SNX24: variants seen among roughly 807,000 people sequenced by gnomAD.
The protein encoded by SNX24 is sorting nexin-24.
Under a neutral mutation model 28.7 loss-of-function variants are expected in SNX24, and 22 were observed. The observed-to-expected ratio is 0.77, with a 90% CI of 0.55 to 1.10. The LOEUF (loss-of-function observed/expected upper bound fraction) is 1.10, where lower values mean the gene tolerates loss of function less well. SNX24 is among the 50% of genes least tolerant of loss of function. The pLI is 0.00. For synonymous variants in SNX24, 69 were observed against 71.5 expected, an observed-to-expected ratio of 0.96 and a Z score of 0.18; for missense variants, 221 against 201.1, an observed-to-expected ratio of 1.10 and a Z score of -0.60.
At chr5:123,029,104 C>A (rs1167840261) in intron 5 of SNX24, 2 of 984,792 alleles carry the variant, frequency 2.0e-6, no homozygotes, top group East Asian at 2.6e-5. Flanking sequence ...CATATTTTCA[C>A]TTGATGATGA....
chr5:122,860,809 G>A (rs1166235813), intron 1 of SNX24, among the ~76,000 whole-genome samples: 2 of 151,966 alleles, frequency 1.3e-5, no homozygotes, highest in Admixed American at 6.6e-5. Context: ...TGTTAGCCAG[G>A]ATGGTCTCGA....
At chr5:123,022,637 TC>T (rs1762778300) in intron 5 of SNX24, 1 of 152,306 alleles carries the variant, frequency 6.6e-6, no homozygotes, top group Non-Finnish European at 1.5e-5. Flanking sequence ...GGTACCATGC[TC>T]CCCAGTGGCC....
chr5:122,998,625 G>T (rs1205707585), intron 3 of SNX24, among the ~76,000 whole-genome samples: 3 of 152,156 alleles, frequency 2.0e-5, no homozygotes, highest in Non-Finnish European at 4.4e-5. Flanking sequence ...CACCAGGAGG[G>T]TTCTGCTCTA....
chr5:123,021,191 T>C (rs1762757792), intron 5 of SNX24, among the ~76,000 whole-genome samples: 1 of 151,050 alleles, frequency 6.6e-6, no homozygotes, highest in South Asian at 2.1e-4. Context: ...TTTCTCTGAC[T>C]TCACTGACTT....
intron 3 of SNX24, among the ~76,000 whole-genome samples, chr5:122,971,822 A>C (rs1280313993): frequency 6.6e-6 from 1 of 152,162 alleles, no homozygotes; most frequent in African/African-American, 2.4e-5. Flanking sequence ...ACCTTCTTCT[A>C]CTGTCTATTC....
At chr5:122,932,647 A>C (rs1759003734) in intron 1 of SNX24, among the ~76,000 whole-genome samples, 1 of 152,136 alleles carries the variant, frequency 6.6e-6, no homozygotes, top group Admixed American at 6.5e-5. Flanking sequence ...ATGCAGGCGG[A>C]TCACAAGGTC....
At chr5:122,950,520 A>G (rs1345261688) in intron 3 of SNX24, among the ~76,000 whole-genome samples, 1 of 152,224 alleles carries the variant, frequency 6.6e-6, no homozygotes. Flanking sequence ...AAGGGCTGCA[A>G]CAGTTCCAGA....
chr5:122,918,874 AT>A (rs796976403), intron 1 of SNX24, among the ~76,000 whole-genome samples: 66 of 152,318 alleles, frequency 4.3e-4, no homozygotes, highest in African/African-American at 1.5e-3. Flanking sequence ...CTAAAACGTG[AT>A]TTAAGAGGGG....
intron 1 of SNX24, among the ~76,000 whole-genome samples, chr5:122,860,248 A>T (rs376439661): frequency 6.6e-6 from 1 of 152,286 alleles, no homozygotes; most frequent in South Asian, 2.1e-4. Context: ...AAAGTAAATC[A>T]TGATATACAG....
At chr5:122,871,493 C>T (rs142432561) in intron 1 of SNX24, among the ~76,000 whole-genome samples, 175 of 152,206 alleles carry the variant, frequency 1.1e-3, no homozygotes, top group African/African-American at 4.1e-3. Context: ...TCTGGCTGGG[C>T]GCGGTGGCTC....
At chr5:122,996,629 T>C (rs1176899335) in intron 3 of SNX24, among the ~76,000 whole-genome samples, 1 of 152,184 alleles carries the variant, frequency 6.6e-6, no homozygotes, top group Non-Finnish European at 1.5e-5. Flanking sequence ...CCATCGCTGA[T>C]TGTGTATCAG....
At chr5:122,854,515 C>CA (rs55693230) in intron 1 of SNX24, among the ~76,000 whole-genome samples, 16,315 of 121,242 alleles carry the variant, frequency 0.13, 1,189 homozygotes, top group East Asian at 0.36. Flanking sequence ...CTCAAAAAAA[C>CA]AAAAAAAAAA....
intron 3 of SNX24, among the ~76,000 whole-genome samples, chr5:122,975,659 A>C (rs953744738): frequency 3.3e-5 from 5 of 152,198 alleles, no homozygotes; most frequent in African/African-American, 1.2e-4. Context: ...GCTTTTACAA[A>C]TCATTAGGAG....
intron 1 of SNX24, among the ~76,000 whole-genome samples, chr5:122,930,004 T>A (rs1288196890): frequency 6.6e-6 from 1 of 152,134 alleles, no homozygotes; most frequent in Non-Finnish European, 1.5e-5. Context: ...AGACATGGAA[T>A]TCTGCATTAA....
intron 2 of SNX24, among the ~76,000 whole-genome samples, chr5:122,940,284 G>A (rs868516053): frequency 6.6e-6 from 1 of 151,942 alleles, no homozygotes. Context: ...ATGAGCCACC[G>A]CGCCCAGACT....
At chr5:122,907,379 G>A (rs1457466233) in intron 1 of SNX24, among the ~76,000 whole-genome samples, 1 of 152,162 alleles carries the variant, frequency 6.6e-6, no homozygotes, top group Non-Finnish European at 1.5e-5. Flanking sequence ...TTTGTAATAT[G>A]GGGGAACACT....
chr5:122,918,648 T>C (rs1158536647), intron 1 of SNX24, among the ~76,000 whole-genome samples: 2 of 152,200 alleles, frequency 1.3e-5, no homozygotes, highest in Non-Finnish European at 2.9e-5. Flanking sequence ...TAATAAATAA[T>C]GTATAGACTT....
chr5:123,029,039 A>C (rs1008474100), intron 5 of SNX24: 22 of 822,960 alleles, frequency 2.7e-5, no homozygotes, highest in Non-Finnish European at 4.1e-5. Flanking sequence ...TGACCAAAAA[A>C]TAAATATGTT....
intron 3 of SNX24, among the ~76,000 whole-genome samples, chr5:122,984,938 G>A (rs1761535663): frequency 1.3e-5 from 2 of 152,148 alleles, no homozygotes; most frequent in Admixed American, 6.5e-5. Flanking sequence ...AAGAAAAAAA[G>A]GTATAGTGAA....
Sources: allele counts gnomAD v4.1 joint callset (sites outside exome capture counted in the v4.1 genomes callset), GRCh38; gene constraint gnomAD v4.1.1; transcripts MANE v1.5; gene names NCBI Gene and HGNC (gene_info 2026-07-23, HGNC 2026-07-21).